The following RYR3 variants were observed in gnomAD, a reference collection of about 807,000 sequenced individuals.
The protein encoded by RYR3 is brain ryanodine receptor-calcium release channel.
Under a neutral mutation model 584.3 loss-of-function variants are expected in RYR3, and 207 were observed. The observed-to-expected ratio is 0.35, with a 90% CI of 0.32 to 0.40. RYR3 has a LOEUF of 0.40. RYR3 is among the 10% of genes least tolerant of loss of function. The probability of loss-of-function intolerance (pLI) is 1.00; values close to 1 mark genes in which losing one functional copy is unlikely to be tolerated. For missense variants in RYR3, 5,616 were observed against 6,089.2 expected, an observed-to-expected ratio of 0.92 and a Z score of 2.59; for synonymous variants, 2,416 against 2,248.5, an observed-to-expected ratio of 1.07 and a Z score of -2.11.
intron 14 of RYR3, among the ~76,000 whole-genome samples, chr15:33,582,989 G>T (rs2058669606): frequency 6.6e-6 from 1 of 152,174 alleles, no homozygotes; most frequent in Admixed American, 6.5e-5. Context: ...TGGAGAGAAG[G>T]TTATTTGGTG....
intron 3 of RYR3, among the ~76,000 whole-genome samples, chr15:33,514,846 A>C (rs1372018032): frequency 6.7e-6 from 1 of 148,780 alleles, no homozygotes; most frequent in African/African-American, 2.5e-5. Context: ...CTAAAAATAC[A>C]AAAAAAAATT....
At chr15:33,768,844 T>C (rs2152883262) in intron 61 of RYR3, 137 bp downstream of exon 61, 1 of 852,352 alleles carries the variant, frequency 1.2e-6, no homozygotes, top group Non-Finnish European at 2.0e-6. Context: ...AGAAAATTGA[T>C]CTGAAGCATG....
chr15:33,552,442 G>A (rs779861935), intron 10 of RYR3, among the ~76,000 whole-genome samples: 2 of 152,158 alleles, frequency 1.3e-5, no homozygotes, highest in Non-Finnish European at 2.9e-5. Flanking sequence ...ATGGTACCAC[G>A]GGGGCCATCG....
intron 103 of RYR3, 121 bp downstream of exon 103, chr15:33,864,310 C>G: frequency 2.7e-6 from 2 of 748,048 alleles, no homozygotes; most frequent in African/African-American, 3.5e-5. Flanking sequence ...ATGCATTTTC[C>G]CATCACCTTT....
chr15:33,786,481 T>C (rs1217103967), intron 66 of RYR3, among the ~76,000 whole-genome samples: 1 of 146,144 alleles, frequency 6.8e-6, no homozygotes, highest in Non-Finnish European at 1.5e-5. Flanking sequence ...CACTTTGTTG[T>C]TTTTTTTTTT....
chr15:33,840,036 A>G (rs2078262121), intron 89 of RYR3, among the ~76,000 whole-genome samples: 1 of 152,322 alleles, frequency 6.6e-6, no homozygotes, highest in South Asian at 2.1e-4. Context: ...CTAGTGGGAG[A>G]AGACAACAAA....
In RYR3 at chr15:33,550,192, C is replaced by A. The variant is rs748058572; in HGVS notation, c.848C>A (p.Ala283Asp). 3 of 1,613,860 alleles carry A rather than the reference C, an allele frequency of 1.9e-6. No homozygotes were observed. The highest frequency in any genetic ancestry group is 2.5e-6 in the Non-Finnish European group (3 of 1,179,826). ...WSGSNIRWGQ[A>D]FRLRHLTTGH... Reference sequence around the variant, plus strand: ...GGCAGTAACATCAGATGGGGCCAGGCTTTCCGACTCCGGCATCTCACCACA... The same window carrying A: ...GGCAGTAACATCAGATGGGGCCAGGATTTCCGACTCCGGCATCTCACCACA... The change falls in exon 10 of 104, where the codon GCT becomes GAT. Residue 283 changes from alanine (A) to aspartate (D), a missense_variant. Physicochemically the swap from Ala to Asp is moderately radical, Grantham distance 126. Coordinates refer to ENST00000634891, the MANE Select transcript of RYR3 (RefSeq NM_001036.6).
chr15:33,487,628 T>C (rs1424037610), intron 2 of RYR3, among the ~76,000 whole-genome samples: 1 of 152,080 alleles, frequency 6.6e-6, no homozygotes, highest in Non-Finnish European at 1.5e-5. Context: ...GGCCCTGTGG[T>C]GAGGTTCTAT....
At chr15:33,487,201 GAA>G in intron 2 of RYR3, among the ~76,000 whole-genome samples, 1 of 144,588 alleles carries the variant, frequency 6.9e-6, no homozygotes, top group Non-Finnish European at 1.5e-5. Flanking sequence ...CCATCTCAAA[GAA>G]AAAAAAAAAA....
chr15:33,477,807 G>A (rs1163669105), intron 2 of RYR3, among the ~76,000 whole-genome samples: 6 of 131,636 alleles, frequency 4.6e-5, no homozygotes, highest in Admixed American at 7.1e-5. Context: ...CCCGGGAGGC[G>A]GAGGTTGCAG....
intron 1 of RYR3, among the ~76,000 whole-genome samples, chr15:33,411,049 A>G (rs113915748): frequency 6.6e-6 from 1 of 152,102 alleles, no homozygotes. Context: ...CTTTTGACAC[A>G]TGGGTATTAT....
At chr15:33,807,102 C>G (rs1215026117) in intron 69 of RYR3, among the ~76,000 whole-genome samples, 1 of 152,122 alleles carries the variant, frequency 6.6e-6, no homozygotes, top group Non-Finnish European at 1.5e-5. Context: ...CAGTTCTCCC[C>G]TCTCTGTAGC....
chr15:33,784,452 C>T (rs1196600532), intron 65 of RYR3, among the ~76,000 whole-genome samples: 3 of 152,208 alleles, frequency 2.0e-5, no homozygotes, highest in East Asian at 1.9e-4. Flanking sequence ...CAGTCTTCTG[C>T]TTTATCTTTG....
At chr15:33,499,252 G>A (rs555902564) in intron 2 of RYR3, among the ~76,000 whole-genome samples, 4 of 134,990 alleles carry the variant, frequency 3.0e-5, no homozygotes, top group East Asian at 2.1e-4. Flanking sequence ...ACCTCTTTTC[G>A]CTCCATTTCC....
intron 1 of RYR3, among the ~76,000 whole-genome samples, chr15:33,422,208 GT>G (rs1184107250): frequency 6.6e-6 from 1 of 151,920 alleles, no homozygotes; most frequent in Non-Finnish European, 1.5e-5. Context: ...TTTTGTTTTT[GT>G]TTTATTACTT....
chr15:33,692,492 G>A (rs1457919687), intron 38 of RYR3, among the ~76,000 whole-genome samples: 1 of 151,934 alleles, frequency 6.6e-6, no homozygotes, highest in Non-Finnish European at 1.5e-5. Context: ...CTGCACCTTG[G>A]TCTCACAATT....
intron 50 of RYR3, 146 bp downstream of exon 50, chr15:33,738,736 C>T: frequency 1.2e-6 from 1 of 860,206 alleles, no homozygotes; most frequent in Non-Finnish European, 1.8e-6. Flanking sequence ...CCTTGCCCAT[C>T]TCTCTGAAAT....
intron 1 of RYR3, among the ~76,000 whole-genome samples, chr15:33,469,454 A>G (rs2048748144): frequency 6.6e-6 from 1 of 152,000 alleles, no homozygotes; most frequent in Admixed American, 6.6e-5. Context: ...CTTTGGGTCA[A>G]ATAATAGCCT....
At chr15:33,705,101 T>TCTCTCTCTCTCTCTCTCTCTCTCTC (rs1156781766) in intron 42 of RYR3, among the ~76,000 whole-genome samples, 1 of 142,104 alleles carries the variant, frequency 7.0e-6, no homozygotes, top group African/African-American at 2.7e-5. Context: ...CACACACTCT[T>TCTCTCTCTCTCTCTCTCTCTCTCTC]TCTCTCTCTC....
Sources: allele counts gnomAD v4.1 joint callset (sites outside exome capture counted in the v4.1 genomes callset), GRCh38; gene constraint gnomAD v4.1.1; transcripts MANE v1.5; gene names NCBI Gene and HGNC (gene_info 2026-07-23, HGNC 2026-07-21).